The following FBN2 variants were observed in gnomAD, a reference collection of about 807,000 sequenced individuals.
FBN2 encodes fibrillin-2.
A neutral mutation model predicts 355.6 loss-of-function variants in FBN2; 105 were observed. The ratio of observed to expected loss-of-function variants is 0.30; its 90% CI spans 0.25 to 0.35. The LOEUF is 0.35. Ranked by LOEUF, FBN2 falls within the 10% of genes least tolerant of loss-of-function variation. The pLI, the probability that FBN2 is intolerant of heterozygous loss-of-function variation, is 1.00. For missense variants in FBN2, 3,280 were observed against 3,758.7 expected, an observed-to-expected ratio of 0.87 and a Z score of 3.33; for synonymous variants, 1,350 against 1,301.2, an observed-to-expected ratio of 1.04 and a Z score of -0.81.
intron 12 of FBN2, among the ~76,000 whole-genome samples, 174 bp downstream of exon 12, chr5:128,378,597 T>C (rs1179367729): frequency 6.6e-6 from 1 of 152,196 alleles, no homozygotes; most frequent in Non-Finnish European, 1.5e-5. Context: ...GCCTGGGTTA[T>C]ATATGCAAAC....
intron 7 of FBN2, among the ~76,000 whole-genome samples, chr5:128,439,304 T>C (rs975258163): frequency 2.0e-5 from 3 of 152,222 alleles, no homozygotes; most frequent in African/African-American, 7.2e-5. Flanking sequence ...GTAATTTTGA[T>C]AGATATTTCT....
intron 17 of FBN2, among the ~76,000 whole-genome samples, chr5:128,365,784 G>A (rs1750923384): frequency 6.6e-6 from 1 of 150,922 alleles, no homozygotes; most frequent in African/African-American, 2.4e-5. Context: ...AAATATAAAA[G>A]AATCTGAAAA....
At chr5:128,300,114 G>T (rs1176523420) in intron 48 of FBN2, among the ~76,000 whole-genome samples, 1 of 152,150 alleles carries the variant, frequency 6.6e-6, no homozygotes, top group South Asian at 2.1e-4. Flanking sequence ...AAGGGCGATA[G>T]AATTGGATAA....
At chr5:128,425,029 T>C (rs1370070827) in intron 7 of FBN2, among the ~76,000 whole-genome samples, 4 of 147,126 alleles carry the variant, frequency 2.7e-5, no homozygotes, top group Admixed American at 2.0e-4. Context: ...TTTTTTTTTT[T>C]CTCTCTCTGT....
intron 3 of FBN2, among the ~76,000 whole-genome samples, chr5:128,529,180 TG>T (rs1581373705): frequency 6.6e-6 from 1 of 152,136 alleles, no homozygotes; most frequent in East Asian, 1.9e-4. Flanking sequence ...AGGTCAGTGG[TG>T]GGATCTCCAG....
intron 5 of FBN2, among the ~76,000 whole-genome samples, chr5:128,475,794 C>T (rs1754993813): frequency 6.6e-6 from 1 of 152,142 alleles, no homozygotes. Context: ...GGCTAGCATT[C>T]GTTTTCTCCT....
At chr5:128,490,268 C>G (rs924721003) in intron 5 of FBN2, among the ~76,000 whole-genome samples, 1 of 152,172 alleles carries the variant, frequency 6.6e-6, no homozygotes, top group Non-Finnish European at 1.5e-5. Context: ...AATTTCATAT[C>G]AACTCTGTTT....
intron 34 of FBN2, among the ~76,000 whole-genome samples, chr5:128,325,991 T>A (rs1175043691): frequency 6.6e-6 from 1 of 152,256 alleles, no homozygotes; most frequent in Non-Finnish European, 1.5e-5. Context: ...ATATATGGCA[T>A]AAAGTACCTA....
intron 9 of FBN2, among the ~76,000 whole-genome samples, chr5:128,394,832 C>G (rs1460825995): frequency 6.6e-6 from 1 of 152,102 alleles, no homozygotes; most frequent in Non-Finnish European, 1.5e-5. Flanking sequence ...GTCACTCAGG[C>G]TGGAGTGCAG....
At chr5:128,333,741 T>C (rs1750755036) in intron 31 of FBN2, among the ~76,000 whole-genome samples, 1 of 151,904 alleles carries the variant, frequency 6.6e-6, no homozygotes, top group East Asian at 1.9e-4. Context: ...TATATATGTA[T>C]GTATAACCTA....
At chr5:128,493,146 G>C (rs1046935614) in intron 5 of FBN2, among the ~76,000 whole-genome samples, 3 of 152,096 alleles carry the variant, frequency 2.0e-5, no homozygotes, top group African/African-American at 7.2e-5. Context: ...CAGAAATACT[G>C]AATGCTAGAT....
chr5:128,358,054 G>A (rs988247882), intron 19 of FBN2, among the ~76,000 whole-genome samples: 2 of 151,998 alleles, frequency 1.3e-5, no homozygotes, highest in South Asian at 4.2e-4. Flanking sequence ...TTTGATTTGA[G>A]TCCTAAATGA....
At chr5:128,362,679 G>T (rs1751668750) in intron 18 of FBN2, among the ~76,000 whole-genome samples, 1 of 152,172 alleles carries the variant, frequency 6.6e-6, no homozygotes, top group African/African-American at 2.4e-5. Context: ...TGCCCAGGCT[G>T]TTCTGGAACT....
chr5:128,484,151 A>C (rs977369669), intron 5 of FBN2, among the ~76,000 whole-genome samples: 6 of 152,236 alleles, frequency 3.9e-5, no homozygotes, highest in African/African-American at 1.4e-4. Context: ...ACTTGAGTAC[A>C]TTTATTCTCA....
intron 4 of FBN2, among the ~76,000 whole-genome samples, chr5:128,520,300 C>T (rs1483082896): frequency 6.6e-6 from 1 of 152,138 alleles, no homozygotes; most frequent in East Asian, 1.9e-4. Flanking sequence ...TCCCATGATC[C>T]ATAATGAAGA....
intron 7 of FBN2, among the ~76,000 whole-genome samples, chr5:128,443,944 GACT>G (rs1398831531): frequency 1.3e-5 from 2 of 150,522 alleles, no homozygotes; most frequent in Non-Finnish European, 2.9e-5. Context: ...CCATAAAACT[GACT>G]ACAATTCAAA....
intron 11 of FBN2, among the ~76,000 whole-genome samples, chr5:128,388,454 T>A (rs964843137): frequency 1.3e-4 from 20 of 152,196 alleles, no homozygotes; most frequent in African/African-American, 4.8e-4. Context: ...GTACTTAAGT[T>A]TGTTTTTGTG....
chr5:128,294,770 T>C lies in FBN2; in HGVS notation c.6167-3116A>G, dbSNP rs1469875107. On this transcript the variant is annotated intron_variant, in intron 48 of 64. Transcript: ENST00000262464. ...GTCAGAGTAGGTTGCGAAAATTTTC[T>C]CCCATTTTGTAGGTTGCCTGTTCAC... 3.3e-5 allele frequency among the ~76,000 whole-genome samples: 5 copies of C among 150,798 alleles called. No individual in the cohort carries two copies. In the East Asian group the frequency reaches 9.7e-4, roughly 29 times the overall value.
intron 5 of FBN2, among the ~76,000 whole-genome samples, chr5:128,494,264 C>T (rs1755591619): frequency 6.6e-6 from 1 of 152,092 alleles, no homozygotes; most frequent in African/African-American, 2.4e-5. Flanking sequence ...GAAACTCTTT[C>T]CAAAGGAACT....
Sources: gnomAD v4.1 joint callset for allele counts (sites outside exome capture counted in the v4.1 genomes callset) on GRCh38, gnomAD v4.1.1 for gene constraint, MANE v1.5 for transcripts, NCBI Gene and HGNC (gene_info 2026-07-23, HGNC 2026-07-21) for gene names.